The following GSTCD variants were observed in gnomAD, a reference collection of about 807,000 sequenced individuals.
The protein encoded by GSTCD is glutathione S-transferase C-terminal domain-containing protein.
Under a neutral mutation model 68.3 loss-of-function variants are expected in GSTCD, and 44 were observed. The ratio of observed to expected loss-of-function variants is 0.64; its 90% CI spans 0.51 to 0.83. GSTCD has a LOEUF of 0.83. GSTCD is among the 40% of genes least tolerant of loss of function. The probability of loss-of-function intolerance (pLI) is 0.00; values close to 1 mark genes in which losing one functional copy is unlikely to be tolerated. For synonymous variants in GSTCD, 273 were observed against 255.2 expected, an observed-to-expected ratio of 1.07 and a Z score of -0.67; for missense variants, 739 against 735.9, an observed-to-expected ratio of 1.00 and a Z score of -0.05.
chr4:105,786,865 A>C (rs1174949035), intron 5 of GSTCD, among the ~76,000 whole-genome samples: 4 of 152,092 alleles, frequency 2.6e-5, no homozygotes, highest in Non-Finnish European at 5.9e-5. Context: ...GAATGTGGAT[A>C]AATTAGCATC....
intron 3 of GSTCD, among the ~76,000 whole-genome samples, chr4:105,722,246 A>G (rs10026561): frequency 0.084 from 12,839 of 152,008 alleles, 1,697 homozygotes; most frequent in African/African-American, 0.28. Flanking sequence ...TTGATTTTTT[A>G]GCAAAACTAA....
At chr4:105,741,743 T>C (rs1021065750) in intron 5 of GSTCD, among the ~76,000 whole-genome samples, 24 of 152,170 alleles carry the variant, frequency 1.6e-4, no homozygotes, top group African/African-American at 5.1e-4. Context: ...TACATCCCTA[T>C]AATTGGATCA....
At chr4:105,743,317 CAT>C (rs1486840723) in intron 5 of GSTCD, among the ~76,000 whole-genome samples, 2 of 152,026 alleles carry the variant, frequency 1.3e-5, no homozygotes, top group Non-Finnish European at 2.9e-5. Context: ...TATTTATGTA[CAT>C]GTTTTTTTTC....
intron 5 of GSTCD, among the ~76,000 whole-genome samples, chr4:105,780,848 T>G (rs1034712253): frequency 6.6e-5 from 10 of 152,200 alleles, no homozygotes; most frequent in Non-Finnish European, 1.3e-4. Context: ...TCTGGAATTA[T>G]TTTCCTCCTG....
intron 5 of GSTCD, among the ~76,000 whole-genome samples, chr4:105,807,009 C>T (rs776415511): frequency 2.0e-5 from 3 of 152,066 alleles, no homozygotes; most frequent in Admixed American, 6.6e-5. Flanking sequence ...ACGCCATTTA[C>T]GTGCTCCCCT....
chr4:105,845,108 GA>G (rs1724496676), intron 11 of GSTCD, among the ~76,000 whole-genome samples: 1 of 152,076 alleles, frequency 6.6e-6, no homozygotes, highest in South Asian at 2.1e-4. Context: ...GTTTTATAGG[GA>G]AAGCAGAGAA....
At chr4:105,711,284 T>G (rs965755016) in intron 1 of GSTCD, among the ~76,000 whole-genome samples, 1 of 152,254 alleles carries the variant, frequency 6.6e-6, no homozygotes, top group Admixed American at 6.5e-5. Flanking sequence ...TTTTCATACT[T>G]ATAAACTGTG....
chr4:105,768,498 A>C (rs746680699), intron 5 of GSTCD, among the ~76,000 whole-genome samples: 9 of 152,168 alleles, frequency 5.9e-5, no homozygotes, highest in Non-Finnish European at 1.3e-4. Flanking sequence ...ATTTTCTTAC[A>C]TATTCACTAA....
chr4:105,726,025 ACT>A (rs1040822506), intron 3 of GSTCD, among the ~76,000 whole-genome samples: 4 of 151,894 alleles, frequency 2.6e-5, no homozygotes, highest in African/African-American at 9.7e-5. Flanking sequence ...TAGCAATTTG[ACT>A]CTTGGATTTT....
At chr4:105,825,989 A>G (rs1288257816) in intron 8 of GSTCD, 189 bp downstream of exon 8, 3 of 265,828 alleles carry the variant, frequency 1.1e-5, no homozygotes, top group East Asian at 7.7e-5. Context: ...TCATTACATA[A>G]CAGAGATAAC....
At chr4:105,794,751 T>A (rs575406275) in intron 5 of GSTCD, among the ~76,000 whole-genome samples, 1 of 152,120 alleles carries the variant, frequency 6.6e-6, no homozygotes, top group Admixed American at 6.5e-5. Flanking sequence ...GTCTTTTGCA[T>A]TTCCAAAATT....
At chr4:105,784,022 G>A (rs1735374919) in intron 5 of GSTCD, among the ~76,000 whole-genome samples, 1 of 152,204 alleles carries the variant, frequency 6.6e-6, no homozygotes, top group African/African-American at 2.4e-5. Context: ...AGTTTATCCT[G>A]TTATTGTTAA....
chr4:105,806,139 A>G (rs1034630033), intron 5 of GSTCD, among the ~76,000 whole-genome samples: 7 of 152,126 alleles, frequency 4.6e-5, no homozygotes, highest in South Asian at 2.1e-4. Flanking sequence ...AAATCTAGGT[A>G]CAAAGACTTG....
chr4:105,791,239 A>G (rs1735655248), intron 5 of GSTCD, among the ~76,000 whole-genome samples: 1 of 151,768 alleles, frequency 6.6e-6, no homozygotes, highest in South Asian at 2.1e-4. Context: ...TAAAAATACA[A>G]AAAATTAGCC....
At position 105,719,201 on chromosome 4, in the gene GSTCD, C is replaced by T; in HGVS notation, c.568C>T (p.His190Tyr). ...EKKLSEPVRV[H>Y]NDDKLRRQKL... ...AAAGCTTAGTGAGCCTGTTAGAGTG[C>T]ATAATGATGATAAACTCCGCAGGCA... Residue 190 changes from histidine to tyrosine, a missense_variant, in exon 3 of 12, where the codon CAT becomes TAT. Coordinates refer to ENST00000515279, the MANE Select transcript of GSTCD (RefSeq NM_001370181.1). 6.2e-7 allele frequency: 1 copy of T among 1,614,040 alleles called. No individual in the cohort carries two copies. The highest frequency in any genetic ancestry group is 8.5e-7 in the Non-Finnish European group (1 of 1,179,992).
intron 5 of GSTCD, among the ~76,000 whole-genome samples, chr4:105,730,278 A>C (rs927975786): frequency 2.0e-5 from 3 of 152,210 alleles, no homozygotes; most frequent in African/African-American, 7.2e-5. Context: ...TGGCTGGGTC[A>C]AATGGTATTT....
At chr4:105,845,356 T>C in intron 11 of GSTCD, 85 bp from the exon 12 acceptor site, 2 of 1,476,638 alleles carry the variant, frequency 1.4e-6, no homozygotes, top group Non-Finnish European at 1.9e-6. Context: ...TTGCAGATTT[T>C]GTCACTATAT....
intron 8 of GSTCD, 80 bp from the exon 9 acceptor site, chr4:105,834,381 T>C: frequency 1.5e-6 from 2 of 1,372,566 alleles, no homozygotes; most frequent in Non-Finnish European, 2.0e-6. Flanking sequence ...TATGGCCAAA[T>C]GAGAACTATT....
intron 5 of GSTCD, among the ~76,000 whole-genome samples, chr4:105,740,128 A>C (rs1733585800): frequency 6.6e-6 from 1 of 152,098 alleles, no homozygotes; most frequent in South Asian, 2.1e-4. Flanking sequence ...TCCAGTTTGC[A>C]GATGGCATTG....
Sources: allele counts gnomAD v4.1 joint callset (sites outside exome capture counted in the v4.1 genomes callset), GRCh38; gene constraint gnomAD v4.1.1; transcripts MANE v1.5; gene names NCBI Gene and HGNC (gene_info 2026-07-23, HGNC 2026-07-21).